Variants in SNTG1 observed in about 807,000 individuals in gnomAD.
SNTG1 encodes gamma-1-syntrophin.
SNTG1 carries 39 observed loss-of-function variants against 74.7 expected under a neutral mutation model. That is an observed-to-expected ratio of 0.52 (90% CI 0.40 to 0.68). The LOEUF (loss-of-function observed/expected upper bound fraction) is 0.68. SNTG1 is among the 30% of genes least tolerant of loss of function. The probability of loss-of-function intolerance (pLI) is 0.00; values close to 1 mark genes in which losing one functional copy is unlikely to be tolerated. For missense variants in SNTG1, 685 were observed against 609.5 expected (o/e 1.12, Z -1.30); for synonymous variants, 254 against 217.1 (o/e 1.17, Z -1.49).
chr8:50,707,969 G>A lies in SNTG1; in HGVS notation c.1192-917G>A, dbSNP rs2095449187. The A allele has an allele frequency of 2.1e-5, 8 of 376,166 alleles. No homozygotes were observed. The Admixed American group carries it at 2.7e-4, about 13-fold the overall frequency. 23.3% of individuals were successfully genotyped at this position (376,166 alleles called of 1,614,324 possible). ...TGTAATCCCAGCACTTTGGGAGGCC[G>A]AGGCGGGTGGATCACGAGGTCAGGC... is the stretch of plus-strand genomic sequence containing the variant. On this transcript the variant is annotated intron_variant, in intron 16 of 18. Coordinates refer to ENST00000642720, the MANE Select transcript of SNTG1 (RefSeq NM_018967.5).
intron 1 of SNTG1, among the ~76,000 whole-genome samples, chr8:50,076,481 A>G (rs1029314064): frequency 3.9e-5 from 6 of 152,224 alleles, no homozygotes; most frequent in Non-Finnish European, 7.3e-5. Context: ...GGACTATAAA[A>G]TATGACCACA....
intron 11 of SNTG1, among the ~76,000 whole-genome samples, chr8:50,552,195 G>A (rs1433732947): frequency 3.9e-5 from 6 of 152,090 alleles, no homozygotes; most frequent in Non-Finnish European, 8.8e-5. Flanking sequence ...CTGAGACTTT[G>A]GCTAGTTTCC....
At chr8:50,597,625 C>G (rs1443074888) in intron 13 of SNTG1, among the ~76,000 whole-genome samples, 1 of 151,716 alleles carries the variant, frequency 6.6e-6, no homozygotes, top group Non-Finnish European at 1.5e-5. Context: ...TTTGAGGAAC[C>G]ACCATACTGT....
At chr8:50,053,802 C>T (rs944275179) in intron 1 of SNTG1, among the ~76,000 whole-genome samples, 9 of 151,890 alleles carry the variant, frequency 5.9e-5, no homozygotes, top group Admixed American at 2.6e-4. Flanking sequence ...ACAACACAAA[C>T]CCCACCACAA....
At chr8:49,958,653 T>A (rs1047571207) in intron 1 of SNTG1, among the ~76,000 whole-genome samples, 2 of 152,148 alleles carry the variant, frequency 1.3e-5, no homozygotes, top group Non-Finnish European at 2.9e-5. Flanking sequence ...ACTGCTGACC[T>A]CGTGATCCAC....
intron 2 of SNTG1, 37 bp from the exon 3 acceptor site, chr8:50,394,175 C>T (rs762401061): frequency 3.4e-5 from 52 of 1,539,332 alleles, no homozygotes; most frequent in Non-Finnish European, 4.2e-5. Context: ...ACATGCCATG[C>T]TGTGCCTAAT....
rs115266513 is a variant in SNTG1 at position 50,173,697 on chromosome 8, T to C, written c.-28+1062T>C. ...TAGGCCTCAAAGTTGTCCTGTTTGC[T>C]ACCTATTCTGTTAGACATGGAAGCC... On this transcript the variant is annotated intron_variant, in intron 2 of 18. Transcript: ENST00000642720. 5.4e-3 allele frequency among the ~76,000 whole-genome samples: 822 copies of C among 152,322 alleles called. 12 individuals carry two copies. The highest frequency in any genetic ancestry group is 0.019 in the African/African-American group (781 of 41,572).
At chr8:50,266,590 A>G (rs1304809453) in intron 2 of SNTG1, among the ~76,000 whole-genome samples, 6 of 150,068 alleles carry the variant, frequency 4.0e-5, no homozygotes, top group African/African-American at 9.8e-5. Context: ...AATTAATAAA[A>G]TTAATAATTT....
chr8:50,561,126 C>G (rs1026191237), intron 12 of SNTG1, among the ~76,000 whole-genome samples: 4 of 152,002 alleles, frequency 2.6e-5, no homozygotes, highest in African/African-American at 9.7e-5. Context: ...GAGTGGTTTC[C>G]CCCATGCTGT....
intron 17 of SNTG1, among the ~76,000 whole-genome samples, chr8:50,740,273 A>G (rs1346244559): frequency 1.3e-5 from 2 of 150,052 alleles, no homozygotes; most frequent in African/African-American, 2.5e-5. Flanking sequence ...ACAAATTTAC[A>G]AGAAAAAAAA....
intron 2 of SNTG1, among the ~76,000 whole-genome samples, chr8:50,282,218 C>T (rs1286033283): frequency 1.3e-5 from 2 of 152,238 alleles, no homozygotes; most frequent in African/African-American, 2.4e-5. Context: ...CATTCCAACC[C>T]CACAGTAAAC....
chr8:50,708,986 G>C lies in SNTG1; in HGVS notation c.1284+8G>C. ...TTTGATGCTGCAACAAAGGTAATGTGTTCAGGTCAGCTCTGAGAAATATGC... is the reference window on the plus strand; with the variant it reads ...TTTGATGCTGCAACAAAGGTAATGTCTTCAGGTCAGCTCTGAGAAATATGC... On this transcript the variant is annotated splice_region_variant and intron_variant, in intron 17 of 18. Transcript: ENST00000642720. 1 of 1,600,440 alleles carries C rather than the reference G, an allele frequency of 6.2e-7. No homozygotes were observed. Among genetic ancestry groups the C allele is most frequent in the Non-Finnish European group, 8.6e-7 (1 of 1,167,800 alleles).
chr8:50,429,215 G>T (rs548583935), intron 4 of SNTG1, among the ~76,000 whole-genome samples: 1 of 151,996 alleles, frequency 6.6e-6, no homozygotes, highest in Admixed American at 6.6e-5. Flanking sequence ...AAAAGAGTTT[G>T]AGGGTTCATA....
intron 3 of SNTG1, among the ~76,000 whole-genome samples, chr8:50,399,499 T>G (rs897140616): frequency 1.3e-5 from 2 of 152,212 alleles, no homozygotes; most frequent in Non-Finnish European, 2.9e-5. Flanking sequence ...AAAGTATATC[T>G]CTGGGCTTTC....
chr8:50,450,072 A>G (rs527965342), intron 6 of SNTG1, among the ~76,000 whole-genome samples: 2 of 152,372 alleles, frequency 1.3e-5, no homozygotes, highest in South Asian at 4.1e-4. Context: ...TCTGTTTTTC[A>G]GTTCTCATTT....
intron 13 of SNTG1, among the ~76,000 whole-genome samples, chr8:50,618,885 G>A (rs1211111190): frequency 4.3e-5 from 4 of 91,978 alleles, no homozygotes; most frequent in South Asian, 3.6e-4. Context: ...AATTATATAT[G>A]TGTATATGTG....
chr8:50,206,474 G>T (rs545383134), intron 2 of SNTG1, among the ~76,000 whole-genome samples: 1 of 152,150 alleles, frequency 6.6e-6, no homozygotes, highest in African/African-American at 2.4e-5. Flanking sequence ...AGGCTGAGAC[G>T]ATGGGGTTTT....
chr8:49,984,605 T>A (rs1278985708), intron 1 of SNTG1, among the ~76,000 whole-genome samples: 1 of 152,234 alleles, frequency 6.6e-6, no homozygotes, highest in South Asian at 2.1e-4. Flanking sequence ...CTTATATGGT[T>A]CAATTACTTG....
At chr8:50,675,219 T>G (rs2095304546) in intron 15 of SNTG1, among the ~76,000 whole-genome samples, 2 of 152,084 alleles carry the variant, frequency 1.3e-5, no homozygotes, top group Admixed American at 6.6e-5. Context: ...CTGAATATCC[T>G]TGTTAATTTT....
Sources: gnomAD v4.1 joint callset for allele counts (sites outside exome capture counted in the v4.1 genomes callset) on GRCh38, gnomAD v4.1.1 for gene constraint, MANE v1.5 for transcripts, NCBI Gene and HGNC (gene_info 2026-07-23, HGNC 2026-07-21) for gene names.